The following EPRS1 variants were observed in gnomAD, a reference collection of about 807,000 sequenced individuals.
EPRS1 encodes the protein glutamyl-prolyl-tRNA synthetase 1.
In EPRS1, 107 loss-of-function variants were observed where a neutral mutation model predicts 188.3. The observed-to-expected ratio is 0.57, with a 90% CI of 0.49 to 0.67. The LOEUF is 0.67. Among genes scored for constraint, EPRS1 ranks in the 30% least tolerant of loss-of-function variants. The probability of loss-of-function intolerance (pLI) is 0.00; values close to 1 mark genes in which losing one functional copy is unlikely to be tolerated. For synonymous variants in EPRS1, 596 were observed against 593.1 expected (o/e 1.00, Z -0.07); for missense variants, 1,577 against 1,802.2 (o/e 0.88, Z 2.26).
intron 8 of EPRS1, among the ~76,000 whole-genome samples, chr1:220,023,830 C>T (rs1661920454): frequency 6.6e-6 from 1 of 152,168 alleles, no homozygotes. Flanking sequence ...ATTTCTAAGA[C>T]AAATGAGTCA....
At chr1:219,996,465 C>T (rs1004172611) in intron 18 of EPRS1, among the ~76,000 whole-genome samples, 5 of 152,138 alleles carry the variant, frequency 3.3e-5, no homozygotes, top group Admixed American at 6.6e-5. Flanking sequence ...TTTAGAAATG[C>T]GTATTCTCCA....
intron 17 of EPRS1, among the ~76,000 whole-genome samples, chr1:219,998,805 T>C (rs1251636263): frequency 6.6e-6 from 1 of 151,760 alleles, no homozygotes; most frequent in African/African-American, 2.4e-5. Context: ...CCTCCCAAAG[T>C]GCTGGGATTA....
Position 219,983,189 on chromosome 1 carries a change from C to T in EPRS1, c.3300G>A (p.Glu1100=), listed in dbSNP as rs1277721941. 4 of 1,611,400 alleles carry T rather than the reference C, an allele frequency of 2.5e-6. No individual in the cohort carries two copies. Among genetic ancestry groups the T allele is most frequent in the Non-Finnish European group, 8.5e-7 (1 of 1,178,544 alleles). ...AAAATAAAAAAGCAAGCTCACTTAC[C>T]TCTGGGGCAAAGTCAGCAACATGAG... The part of the protein sequence containing the change: ...EKTHVADFAP[E]VAWVTRSGKT... Residue 1100 remains glutamate, a splice_region_variant and synonymous_variant, in exon 22 of 32, where the codon GAG becomes GAA. Coordinates refer to ENST00000366923, the MANE Select transcript of EPRS1 (RefSeq NM_004446.3).
At chr1:220,007,867 C>A (rs1334710827) in intron 13 of EPRS1, among the ~76,000 whole-genome samples, 1 of 152,236 alleles carries the variant, frequency 6.6e-6, no homozygotes, top group South Asian at 2.1e-4. Context: ...CGCCTGTAAT[C>A]CCAGCTGAGG....
chr1:219,974,813 AC>A (rs1446157798), intron 28 of EPRS1, among the ~76,000 whole-genome samples: 25 of 152,202 alleles, frequency 1.6e-4, no homozygotes, highest in African/African-American at 6.0e-4. Context: ...AATGAGATTT[AC>A]AAGATGAATA....
At position 220,001,229 on chromosome 1, in the gene EPRS1, C is replaced by T. The variant is rs200873246; in HGVS notation, c.2090G>A (p.Cys697Tyr). Residue 697 changes from cysteine to tyrosine, a missense_variant, in exon 17 of 32, where the codon TGT becomes TAT. Physicochemically the swap from Cys to Tyr is radical, Grantham distance 194. Coordinates refer to ENST00000366923, the MANE Select transcript of EPRS1 (RefSeq NM_004446.3). ...CCCATCAGGAATGTATATCAAAACA[C>T]ACGGGGCTTCCTTGCAACTATATGG... Reference protein sequence around the residue: ...VSPYSCKEAPCVLIYIPDGHT... With the variant: ...VSPYSCKEAPYVLIYIPDGHT... 6 of 1,613,206 alleles carry T rather than the reference C, an allele frequency of 3.7e-6. No individual in the cohort carries two copies. In the East Asian group the frequency reaches 1.3e-4, roughly 36 times the overall value.
intron 8 of EPRS1, among the ~76,000 whole-genome samples, chr1:220,023,994 A>C (rs1168060721): frequency 6.6e-6 from 1 of 152,202 alleles, no homozygotes; most frequent in Non-Finnish European, 1.5e-5. Flanking sequence ...TCTACTAAAA[A>C]TACAAAAATT....
chr1:220,009,687 A>ATT (rs201428117), intron 13 of EPRS1, among the ~76,000 whole-genome samples: 15 of 150,450 alleles, frequency 1.0e-4, no homozygotes, highest in African/African-American at 3.2e-4. Flanking sequence ...CCATTTCAAA[A>ATT]TTAAGAAAAA....
intron 7 of EPRS1, chr1:220,024,930 C>G (rs1439318562): frequency 9.3e-6 from 5 of 539,160 alleles, no homozygotes; most frequent in African/African-American, 7.7e-5. Flanking sequence ...AACTCTATAA[C>G]TGGGGAAAGG....
chr1:219,982,551 A>G, intron 23 of EPRS1: 1 of 366,246 alleles, frequency 2.7e-6, no homozygotes. Flanking sequence ...GAGTATTTAA[A>G]TTAAAAATCC....
chr1:219,971,784 C>CTATATATATATATATA (rs202229562), intron 30 of EPRS1, among the ~76,000 whole-genome samples: 1 of 58,466 alleles, frequency 1.7e-5, no homozygotes, highest in African/African-American at 5.8e-5. Flanking sequence ...AAAACAAAGA[C>CTATATATATATATATA]TATATATATA....
chr1:219,990,841 T>A (rs1267835017), intron 18 of EPRS1, among the ~76,000 whole-genome samples: 1 of 152,156 alleles, frequency 6.6e-6, no homozygotes, highest in Admixed American at 6.5e-5. Flanking sequence ...TGGTATACTA[T>A]GATTTAGTAC....
rs1662405624 is a variant in EPRS1 at position 220,046,468 on chromosome 1, T to C, written c.-80A>G. On this transcript the variant is annotated 5_prime_UTR_variant, in exon 1 of 32. Coordinates refer to ENST00000366923, the MANE Select transcript of EPRS1 (RefSeq NM_004446.3). ...GGAGGACCCCGCGAAAGGAAGAAGA[T>C]GCAACGTGTGCGCGTACCCGACGCC... The C allele has an allele frequency of 3.2e-6, 5 of 1,578,022 alleles. No individual in the cohort carries two copies. The highest frequency in any genetic ancestry group is 3.6e-5 in the Admixed American group (2 of 55,322).
chr1:219,983,770 G>A (rs978742381), intron 21 of EPRS1, among the ~76,000 whole-genome samples: 1 of 151,904 alleles, frequency 6.6e-6, no homozygotes, highest in Admixed American at 6.6e-5. Flanking sequence ...GCGTGTGCCT[G>A]TAGTCCCAGG....
rs1356984197 is a variant in EPRS1, at chr1:220,020,044, T to C, written c.1293A>G (p.Thr431=). ...WEYSRLNLNN[T]VLSKRKLTWF... ...ATGTGAGTTTTCTTTTGGATAGCAC[T>C]GTGTTGTTGAGATTTAGCCGACTAT... is the stretch of plus-strand genomic sequence containing the variant. Residue 431 remains threonine, a synonymous_variant, in exon 10 of 32, where the codon ACA becomes ACG. Transcript: ENST00000366923. 1 of 1,614,130 alleles carries C rather than the reference T, an allele frequency of 6.2e-7. No homozygotes were observed. The highest frequency in any genetic ancestry group is 8.5e-7 in the Non-Finnish European group (1 of 1,179,978).
intron 18 of EPRS1, among the ~76,000 whole-genome samples, chr1:219,991,749 CACA>C (rs1357351923): frequency 2.0e-5 from 3 of 152,138 alleles, no homozygotes; most frequent in African/African-American, 7.2e-5. Flanking sequence ...TAAATTAGAA[CACA>C]ACACCTGTTC....
At chr1:219,986,924 C>T (rs1364991035) in intron 20 of EPRS1, among the ~76,000 whole-genome samples, 3 of 152,150 alleles carry the variant, frequency 2.0e-5, no homozygotes, top group Non-Finnish European at 4.4e-5. Context: ...GAAACATGCA[C>T]AGGAACTTCT....
intron 6 of EPRS1, among the ~76,000 whole-genome samples, chr1:220,027,153 G>A (rs544060034): frequency 3.3e-5 from 5 of 151,780 alleles, no homozygotes; most frequent in East Asian, 2.0e-4. Flanking sequence ...GGCCAGGCAC[G>A]GTGGCTCACG....
intron 21 of EPRS1, among the ~76,000 whole-genome samples, chr1:219,983,787 G>A (rs1252307023): frequency 6.6e-6 from 1 of 151,870 alleles, no homozygotes; most frequent in East Asian, 1.9e-4. Flanking sequence ...CAGGTACTCG[G>A]GAGGCTGAGG....
Sources: allele counts gnomAD v4.1 joint callset (sites outside exome capture counted in the v4.1 genomes callset), GRCh38; gene constraint gnomAD v4.1.1; transcripts MANE v1.5; gene names NCBI Gene and HGNC (gene_info 2026-07-23, HGNC 2026-07-21).